The following CDC42BPA variants were observed in gnomAD, a reference collection of about 807,000 sequenced individuals.
CDC42BPA encodes CDC42 binding protein kinase alpha.
Under a neutral mutation model 223.5 loss-of-function variants are expected in CDC42BPA, and 80 were observed. The observed-to-expected ratio is 0.36, with a 90% CI of 0.30 to 0.43. The LOEUF is 0.43. Ranked by LOEUF, CDC42BPA falls within the 20% of genes least tolerant of loss-of-function variation. The pLI is 1.00. For missense variants in CDC42BPA, 1,743 were observed against 2,099.9 expected, an observed-to-expected ratio of 0.83 and a Z score of 3.32; for synonymous variants, 694 against 718.6, an observed-to-expected ratio of 0.97 and a Z score of 0.55.
At chr1:227,151,994 G>C (rs2149727192) in intron 6 of CDC42BPA, among the ~76,000 whole-genome samples, 1 of 151,630 alleles carries the variant, frequency 6.6e-6, no homozygotes, top group East Asian at 1.9e-4. Context: ...ACTGACACCA[G>C]CCTAGGCGAC....
intron 5 of CDC42BPA, among the ~76,000 whole-genome samples, chr1:227,190,362 C>T (rs1468363090): frequency 1.3e-5 from 2 of 152,094 alleles, no homozygotes; most frequent in Admixed American, 6.5e-5. Flanking sequence ...AATGGGGCAA[C>T]GTCGATTTTA....
intron 1 of CDC42BPA, among the ~76,000 whole-genome samples, chr1:227,308,688 A>G (rs1692992837): frequency 6.6e-6 from 1 of 152,200 alleles, no homozygotes; most frequent in Non-Finnish European, 1.5e-5. Flanking sequence ...CCCAGTTAAT[A>G]ATCAAAGCAG....
Position 227,051,964 on chromosome 1 carries a change from A to G in CDC42BPA, c.2926T>C (p.Tyr976His). The G allele has an allele frequency of 7.3e-7, 1 of 1,366,288 alleles. No individual in the cohort carries two copies. The highest frequency in any genetic ancestry group is 9.8e-7 in the Non-Finnish European group (1 of 1,021,608). The allele number at this position is 1,366,288 out of a possible 1,614,324, so 84.6% of individuals were successfully genotyped here. Residue 976 changes from tyrosine to histidine, a missense_variant, in exon 22 of 37, where the codon TAT becomes CAT. Transcript: ENST00000366766. Reference sequence around the variant, plus strand: ...AACTTGACGCTCGGGTTCCATACATATGTGTTCTCAACGGGATCAGTCTAG... The same window carrying G: ...AACTTGACGCTCGGGTTCCATACATGTGTGTTCTCAACGGGATCAGTCTAG... ...QFETDPVENT[Y>H]VWNPSVKFHI...
At chr1:227,002,595 G>A (rs1207756767) in intron 35 of CDC42BPA, among the ~76,000 whole-genome samples, 3 of 152,218 alleles carry the variant, frequency 2.0e-5, no homozygotes, top group African/African-American at 7.2e-5. Context: ...TACTGAAGAA[G>A]TGGTGATACA....
chr1:227,301,563 T>C (rs1473814920), intron 1 of CDC42BPA, among the ~76,000 whole-genome samples: 1 of 152,190 alleles, frequency 6.6e-6, no homozygotes, highest in Admixed American at 6.5e-5. Context: ...TTTCACTATG[T>C]TGGCTAGGAT....
intron 21 of CDC42BPA, chr1:227,069,284 C>T (rs1677776317): frequency 6.6e-6 from 1 of 152,020 alleles, no homozygotes; most frequent in South Asian, 2.1e-4. Flanking sequence ...GTTACATAAT[C>T]ACAATTTCAT....
rs1660518768 is a variant in CDC42BPA, at chr1:226,989,975, A to C, written c.*4293T>G. The C allele has an allele frequency of 6.5e-6, 1 of 152,674 alleles. No individual in the cohort carries two copies. The highest frequency in any genetic ancestry group is 1.5e-5 in the Non-Finnish European group (1 of 68,040). 9.5% of individuals were successfully genotyped at this position (152,674 alleles called of 1,614,324 possible). On this transcript the variant is annotated 3_prime_UTR_variant, in exon 37 of 37. Transcript: ENST00000366766. Reference sequence around the variant, plus strand: ...GTGACATTTTTTACCATCCCACCTTAAATATTTCTGTGCAAAAGAATCCAC... The same window carrying C: ...GTGACATTTTTTACCATCCCACCTTCAATATTTCTGTGCAAAAGAATCCAC...
intron 20 of CDC42BPA, among the ~76,000 whole-genome samples, chr1:227,071,951 T>C (rs10495264): frequency 0.13 from 19,585 of 151,806 alleles, 1,341 homozygotes; most frequent in East Asian, 0.26. Flanking sequence ...GTCAAATTTA[T>C]GGCAAAGTGT....
At chr1:227,233,672 G>A (rs1558828893) in intron 2 of CDC42BPA, among the ~76,000 whole-genome samples, 2 of 152,190 alleles carry the variant, frequency 1.3e-5, no homozygotes, top group Middle Eastern at 3.4e-3. Flanking sequence ...GGTGGCTCAC[G>A]CCTGTAATCA....
At chr1:227,031,081 G>GA (rs984571155) in intron 28 of CDC42BPA, among the ~76,000 whole-genome samples, 91 of 151,166 alleles carry the variant, frequency 6.0e-4, no homozygotes, top group African/African-American at 2.0e-3. Flanking sequence ...GTTTTTTCAG[G>GA]AAAAAAAAGG....
At chr1:227,011,032 T>C in intron 34 of CDC42BPA, 1 of 1,356,084 alleles carries the variant, frequency 7.4e-7, no homozygotes, top group Non-Finnish European at 9.8e-7. Context: ...CAGACCGGAG[T>C]GATGATGAGG....
intron 16 of CDC42BPA, among the ~76,000 whole-genome samples, chr1:227,087,849 TG>T (rs1434887458): frequency 5.3e-5 from 8 of 152,350 alleles, no homozygotes; most frequent in African/African-American, 1.9e-4. Flanking sequence ...GTCTATCAGC[TG>T]TTTTTGAGAG....
intron 35 of CDC42BPA, among the ~76,000 whole-genome samples, chr1:227,000,558 A>AT (rs1662610339): frequency 6.6e-6 from 1 of 152,178 alleles, no homozygotes; most frequent in African/African-American, 2.4e-5. Flanking sequence ...AGGTAAAAAA[A>AT]TAAATTCTAC....
At chr1:227,277,556 G>A (rs1687314944) in intron 1 of CDC42BPA, among the ~76,000 whole-genome samples, 1 of 152,164 alleles carries the variant, frequency 6.6e-6, no homozygotes, top group African/African-American at 2.4e-5. Context: ...CAATCAAGAT[G>A]AGTTTAATCC....
chr1:227,162,868 A>G (rs55892364), intron 5 of CDC42BPA, among the ~76,000 whole-genome samples: 79,769 of 149,072 alleles, frequency 0.54, 21,861 homozygotes, highest in Middle Eastern at 0.65. Context: ...ATAAATATAT[A>G]TGTGTGTGTG....
intron 15 of CDC42BPA, 94 bp downstream of exon 15, chr1:227,100,898 C>T (rs2149311182): frequency 1.2e-6 from 1 of 830,578 alleles, no homozygotes; most frequent in African/African-American, 1.7e-5. Flanking sequence ...TCCTTTAGGT[C>T]TAGGATATGT....
At chr1:227,082,297 G>A (rs1466360942) in intron 16 of CDC42BPA, among the ~76,000 whole-genome samples, 1 of 151,960 alleles carries the variant, frequency 6.6e-6, no homozygotes, top group Non-Finnish European at 1.5e-5. Flanking sequence ...TCTGCCCGCT[G>A]TGGCCTCCCA....
intron 26 of CDC42BPA, among the ~76,000 whole-genome samples, chr1:227,033,653 C>T (rs546238858): frequency 6.6e-6 from 1 of 152,298 alleles, no homozygotes; most frequent in South Asian, 2.1e-4. Context: ...TACCCACAGT[C>T]ACAAGGCCAG....
chr1:227,237,438 CA>C (rs887693121), intron 2 of CDC42BPA, among the ~76,000 whole-genome samples: 3 of 151,774 alleles, frequency 2.0e-5, no homozygotes, highest in Middle Eastern at 3.4e-3. Flanking sequence ...CTCTGTTTAA[CA>C]AAAAAAAGAC....
Sources: allele counts gnomAD v4.1 joint callset (sites outside exome capture counted in the v4.1 genomes callset), GRCh38; gene constraint gnomAD v4.1.1; transcripts MANE v1.5; gene names NCBI Gene and HGNC (gene_info 2026-07-23, HGNC 2026-07-21).